Variants in IVD observed in about 807,000 individuals in gnomAD.
The protein encoded by IVD is isovaleryl-CoA dehydrogenase.
A neutral mutation model predicts 51.3 loss-of-function variants in IVD; 31 were observed. The ratio of observed to expected loss-of-function variants is 0.60; its 90% CI spans 0.45 to 0.81. IVD has a LOEUF of 0.81. Ranked by LOEUF, IVD falls within the 40% of genes least tolerant of loss-of-function variation. The pLI is 0.00. For missense variants in IVD, 475 were observed against 552.0 expected (o/e 0.86, Z 1.40); for synonymous variants, 205 against 219.4 (o/e 0.93, Z 0.58).
downstream of IVD, among the ~76,000 whole-genome samples, chr15:40,423,502 C>A (rs999152270): frequency 1.6e-4 from 24 of 152,300 alleles, no homozygotes; most frequent in African/African-American, 5.5e-4. Flanking sequence ...CGCTCTCTCG[C>A]CCATGCTGGA....
At chr15:40,408,048 C>A (rs1418107343) in intron 3 of IVD, 58 bp downstream of exon 3, 4 of 1,496,666 alleles carry the variant, frequency 2.7e-6, no homozygotes, top group South Asian at 2.3e-5. Flanking sequence ...TAAGACAGTT[C>A]CCAAAAGAAG....
chr15:40,414,850 G>A, intron 7 of IVD, 39 bp from the exon 8 acceptor site: 1 of 1,612,808 alleles, frequency 6.2e-7, no homozygotes. Flanking sequence ...AGGAGGCTGT[G>A]GACAGCTCTC....
In IVD at chr15:40,414,927, G is replaced by A. The variant is rs757832700; in HGVS notation, c.823G>A (p.Val275Met). The A allele has an allele frequency of 2.2e-5, 35 of 1,614,030 alleles. No homozygotes were observed. The highest frequency in any genetic ancestry group is 2.8e-5 in the Non-Finnish European group (33 of 1,180,024). ...GGGCCATGAGAATAAGGGTGTCTACGTGCTGATGAGTGGGCTGGACCTGGA... is the reference window on the plus strand; with the variant it reads ...GGGCCATGAGAATAAGGGTGTCTACATGCTGATGAGTGGGCTGGACCTGGA... ...ILGHENKGVY[V>M]LMSGLDLERL... is the part of the protein sequence containing the mutation. The change falls in exon 8 of 12, where the codon GTG (valine) becomes ATG (methionine). Residue 275 changes from valine (V) to methionine (M), a missense_variant. Val to Met is a conservative substitution (Grantham distance 21, BLOSUM62 1). Transcript: ENST00000487418.
downstream of IVD, among the ~76,000 whole-genome samples, chr15:40,422,999 C>T (rs543275560): frequency 1.3e-5 from 2 of 152,040 alleles, no homozygotes; most frequent in South Asian, 2.1e-4. Context: ...ACTGCAGCCT[C>T]GACCTCCCTG....
In IVD at chr15:40,418,639, A is replaced by G. The variant is rs1225402292; in HGVS notation, c.*376A>G. ...GGTAGGCACCTGGGGGCATGCAGGTACCCACCTCTTTCTCTTGGGTGAGGC... is the reference window on the plus strand; with the variant it reads ...GGTAGGCACCTGGGGGCATGCAGGTGCCCACCTCTTTCTCTTGGGTGAGGC... On this transcript the variant is annotated 3_prime_UTR_variant, in exon 12 of 12. Coordinates refer to ENST00000487418, the MANE Select transcript of IVD (RefSeq NM_002225.5). 1.1e-5 allele frequency: 13 copies of G among 1,155,824 alleles called. No homozygotes were observed. The highest frequency in any genetic ancestry group is 1.4e-5 in the Non-Finnish European group (13 of 928,012). The allele number at this position is 1,155,824 out of a possible 1,614,324, so 71.6% of individuals were successfully genotyped here.
downstream of IVD, among the ~76,000 whole-genome samples, chr15:40,426,142 T>C (rs529303792): frequency 4.8e-4 from 73 of 152,058 alleles, 1 homozygote; most frequent in African/African-American, 1.6e-3. Context: ...ATCTCTTCAA[T>C]TTTTTTTCTT....
chr15:40,431,397 G>C (rs1457368505), intron 7 of IVD, among the ~76,000 whole-genome samples: 2 of 151,250 alleles, frequency 1.3e-5, no homozygotes, highest in Middle Eastern at 3.2e-3. Flanking sequence ...ACTGGCTGGG[G>C]ATTAAGAGTA....
chr15:40,420,476 C>T lies in IVD; in HGVS notation c.*2213C>T, dbSNP rs576829077. The T allele has an allele frequency of 5.1e-6, 5 of 987,634 alleles. No individual in the cohort carries two copies. The highest frequency in any genetic ancestry group is 4.7e-5 in the South Asian group (1 of 21,378). 61.2% of individuals were successfully genotyped at this position (987,634 alleles called of 1,614,324 possible). ...ATCTGGGGAGAAGCAATCTACTTGC[C>T]GCTGCTTCCTGTCTGGATCCAGCTT... On this transcript the variant is annotated 3_prime_UTR_variant, in exon 12 of 12. Coordinates refer to ENST00000487418, the MANE Select transcript of IVD (RefSeq NM_002225.5).
intron 7 of IVD, among the ~76,000 whole-genome samples, chr15:40,431,978 T>TTG (rs2141434136): frequency 6.6e-6 from 1 of 151,836 alleles, no homozygotes; most frequent in African/African-American, 2.4e-5. Context: ...TTTTTTTTTT[T>TTG]TTTGAGATAG....
At position 40,407,920 on chromosome 15, in the gene IVD, T is replaced by C. The variant is rs144063157; in HGVS notation, c.235-19T>C. 3.1e-4 allele frequency: 506 copies of C among 1,613,878 alleles called. 2 individuals carry two copies. The African/African-American group carries it at 6.0e-3, about 19-fold the overall frequency. On this transcript the variant is annotated intron_variant, in intron 2 of 11. Transcript: ENST00000487418. ...CTTCCCCTCAACACTTATTCCACTCTGCTCCATTCTGTTGGCAGGAATTTT... is the reference window on the plus strand; with the variant it reads ...CTTCCCCTCAACACTTATTCCACTCCGCTCCATTCTGTTGGCAGGAATTTT...
chr15:40,427,775 C>G (rs1260691294), downstream of IVD, among the ~76,000 whole-genome samples: 2 of 152,078 alleles, frequency 1.3e-5, no homozygotes, highest in African/African-American at 4.8e-5. Flanking sequence ...TGAAGGAAGA[C>G]TTGATGTCCT....
chr15:40,408,708 T>C (rs1676349764), intron 3 of IVD, among the ~76,000 whole-genome samples: 1 of 152,234 alleles, frequency 6.6e-6, no homozygotes, highest in Admixed American at 6.5e-5. Context: ...CCCAGCACTT[T>C]GGGAGGCCGA....
rs1013759724 is a variant in IVD, at chr15:40,420,203, C to A, written c.*1940C>A. 3 of 985,850 alleles carry A rather than the reference C, an allele frequency of 3.0e-6. No individual in the cohort carries two copies. Among genetic ancestry groups the A allele is most frequent in the Admixed American group, 6.1e-5 (1 of 16,280 alleles). 61.1% of individuals were successfully genotyped at this position (985,850 alleles called of 1,614,324 possible). On this transcript the variant is annotated 3_prime_UTR_variant, in exon 12 of 12. Coordinates refer to ENST00000487418, the MANE Select transcript of IVD (RefSeq NM_002225.5). ...TTTGTGTACTGTTGGAAGACTGGCT[C>A]CTCCTGTACAGCACCTCTGAGCCCT...
Position 40,419,176 on chromosome 15 carries a change from C to T in IVD, c.*913C>T. On this transcript the variant is annotated 3_prime_UTR_variant, in exon 12 of 12. Coordinates refer to ENST00000487418, the MANE Select transcript of IVD (RefSeq NM_002225.5). ...AAAAAAACCCTGGCCCTTGTTTCTTCCAGTTTCTAGAGGTATCAGCTCCTA... is the reference window on the plus strand; with the variant it reads ...AAAAAAACCCTGGCCCTTGTTTCTTTCAGTTTCTAGAGGTATCAGCTCCTA... 2 of 1,289,296 alleles carry T rather than the reference C, an allele frequency of 1.6e-6. No homozygotes were observed. The highest frequency in any genetic ancestry group is 1.5e-5 in the African/African-American group (1 of 65,948). 79.9% of individuals were successfully genotyped at this position (1,289,296 alleles called of 1,614,324 possible).
chr15:40,423,783 T>C (rs890372408), downstream of IVD, among the ~76,000 whole-genome samples: 3 of 152,182 alleles, frequency 2.0e-5, no homozygotes, highest in Non-Finnish European at 4.4e-5. Context: ...TTAAAGTGCA[T>C]ACATTTGATT....
chr15:40,409,910 C>G (rs1353755093), intron 3 of IVD, among the ~76,000 whole-genome samples: 1 of 149,998 alleles, frequency 6.7e-6, no homozygotes, highest in Non-Finnish European at 1.5e-5. Flanking sequence ...GATCTCGGCT[C>G]TCTGCAAGCT....
chr15:40,419,202 G>C lies in IVD; in HGVS notation c.*939G>C, dbSNP rs965599674. On this transcript the variant is annotated 3_prime_UTR_variant, in exon 12 of 12. Coordinates refer to ENST00000487418, the MANE Select transcript of IVD (RefSeq NM_002225.5). ...CAGTTTCTAGAGGTATCAGCTCCTA[G>C]CAGCTTATGAACACATATGCTTGCT... is the stretch of plus-strand genomic sequence containing the variant. 3 of 1,289,248 alleles carry C rather than the reference G, an allele frequency of 2.3e-6. No individual in the cohort carries two copies. The highest frequency in any genetic ancestry group is 3.0e-5 in the African/African-American group (2 of 65,840). The allele number at this position is 1,289,248 out of a possible 1,614,324, so 79.9% of individuals were successfully genotyped here.
In IVD at chr15:40,419,398, C is replaced by A; in HGVS notation, c.*1135C>A. On this transcript the variant is annotated 3_prime_UTR_variant, in exon 12 of 12. Transcript: ENST00000487418. Reference sequence around the variant, plus strand: ...TGGTGGTGCACGTCTGTAATCCCAGCTACTCAGGAGGCTGAGGCAGGAGAA... The same window carrying A: ...TGGTGGTGCACGTCTGTAATCCCAGATACTCAGGAGGCTGAGGCAGGAGAA... 1 of 368,802 alleles carries A rather than the reference C, an allele frequency of 2.7e-6. No individual in the cohort carries two copies. Among genetic ancestry groups the A allele is most frequent in the South Asian group, 2.2e-5 (1 of 45,376 alleles). The allele number at this position is 368,802 out of a possible 1,614,324, so 22.8% of individuals were successfully genotyped here.
chr15:40,415,597 G>A, intron 9 of IVD, 115 bp downstream of exon 9: 1 of 874,112 alleles, frequency 1.1e-6, no homozygotes. Context: ...AGCAAATTGA[G>A]CTTGACTGCT....
Sources: gnomAD v4.1 joint callset for allele counts (sites outside exome capture counted in the v4.1 genomes callset) on GRCh38, gnomAD v4.1.1 for gene constraint, MANE v1.5 for transcripts, NCBI Gene and HGNC (gene_info 2026-07-23, HGNC 2026-07-21) for gene names.